The following PLEKHM1 variants were observed in gnomAD, a reference collection of about 807,000 sequenced individuals.
PLEKHM1 encodes the protein pleckstrin homology domain-containing family M member 1.
PLEKHM1 carries 28 observed loss-of-function variants against 94.3 expected under a neutral mutation model. The ratio of observed to expected loss-of-function variants is 0.30; its 90% CI spans 0.22 to 0.41. The LOEUF is 0.41. Ranked by LOEUF, PLEKHM1 falls within the 10% of genes least tolerant of loss-of-function variation. PLEKHM1 has a pLI of 1.00. For synonymous variants in PLEKHM1, 424 were observed against 581.2 expected (o/e 0.73, Z 3.89); for missense variants, 907 against 1,358.6 (o/e 0.67, Z 5.22).
chr17:45,475,029 A>C lies in PLEKHM1; in HGVS notation c.923+71T>G. 5 of 1,521,628 alleles carry C rather than the reference A, an allele frequency of 3.3e-6. No individual in the cohort carries two copies. In the South Asian group the frequency reaches 5.7e-5, roughly 17 times the overall value. 94.3% of individuals were successfully genotyped at this position (1,521,628 alleles called of 1,614,324 possible). A position where few individuals can be genotyped will look rare whatever the true frequency, so the allele number is the denominator to read the frequency against. ...TAACAGACAATCACATGCTATGGGA[A>C]GAAAGGGAGGAGGAGAGGAAAGAAA... On this transcript the variant is annotated intron_variant, in intron 4 of 11. Coordinates refer to ENST00000430334, the MANE Select transcript of PLEKHM1 (RefSeq NM_014798.3).
intron 9 of PLEKHM1, chr17:45,440,491 G>A: frequency 3.4e-6 from 2 of 592,512 alleles, no homozygotes; most frequent in South Asian, 4.0e-5. Context: ...TCTGGATTAA[G>A]TAACTTATTT....
chr17:45,438,036 C>T (rs558962245), intron 11 of PLEKHM1, 67 bp from the exon 12 acceptor site: 12 of 1,252,504 alleles, frequency 9.6e-6, no homozygotes, highest in Non-Finnish European at 1.2e-5. Flanking sequence ...CCACGCTGGC[C>T]AGCCCTTTTG....
At chr17:45,473,336 C>T (rs2051578240) in intron 4 of PLEKHM1, among the ~76,000 whole-genome samples, 1 of 152,042 alleles carries the variant, frequency 6.6e-6, no homozygotes, top group South Asian at 2.1e-4. Flanking sequence ...CGCCTGTAAT[C>T]CCCAGCAATT....
chr17:45,467,991 C>T (rs2051371718), intron 5 of PLEKHM1, among the ~76,000 whole-genome samples: 1 of 152,014 alleles, frequency 6.6e-6, no homozygotes, highest in African/African-American at 2.4e-5. Context: ...GGGCTTATAT[C>T]TACAGCTCAC....
chr17:45,464,392 T>C (rs1050954824), intron 5 of PLEKHM1, among the ~76,000 whole-genome samples: 7 of 152,188 alleles, frequency 4.6e-5, no homozygotes, highest in Non-Finnish European at 8.8e-5. Context: ...CTCTACACTA[T>C]AAAACTTGAC....
At position 45,477,658 on chromosome 17, in the gene PLEKHM1, C is replaced by G. The variant is rs373556505; in HGVS notation, c.296+242G>C. ...CTCACCTGCTTTTTGTGACCAGTCT[C>G]AAAGCAGCCACAGGCTCTTGCCTGA... On this transcript the variant is annotated intron_variant, in intron 3 of 11. Transcript: ENST00000430334. 70 of 562,108 alleles carry G rather than the reference C, an allele frequency of 1.2e-4. 1 individual carries two copies. Among genetic ancestry groups the G allele is most frequent in the South Asian group, 1.1e-3 (55 of 50,272 alleles). 34.8% of individuals were successfully genotyped at this position (562,108 alleles called of 1,614,324 possible).
intron 8 of PLEKHM1, among the ~76,000 whole-genome samples, chr17:45,449,477 C>T (rs1454423672): frequency 6.6e-6 from 1 of 151,696 alleles, no homozygotes; most frequent in African/African-American, 2.4e-5. Context: ...CATCCACCTA[C>T]CCACCAAGCC....
intron 5 of PLEKHM1, among the ~76,000 whole-genome samples, chr17:45,467,303 A>G (rs564984527): frequency 6.6e-6 from 1 of 152,198 alleles, no homozygotes; most frequent in Non-Finnish European, 1.5e-5. Flanking sequence ...CTATTCTTTT[A>G]TCATACTAAG....
At chr17:45,487,524 A>G (rs1173288141) in intron 1 of PLEKHM1, among the ~76,000 whole-genome samples, 3 of 152,236 alleles carry the variant, frequency 2.0e-5, no homozygotes, top group African/African-American at 7.2e-5. Context: ...AATCAGGTTT[A>G]TAGCCCCAAC....
chr17:45,439,856 G>A (rs1034165982), intron 10 of PLEKHM1, among the ~76,000 whole-genome samples: 4 of 152,224 alleles, frequency 2.6e-5, no homozygotes, highest in Admixed American at 2.6e-4. Flanking sequence ...GTCACTGGGG[G>A]CTAATGGGAT....
At chr17:45,479,235 G>T (rs2051857755) in intron 2 of PLEKHM1, among the ~76,000 whole-genome samples, 1 of 151,958 alleles carries the variant, frequency 6.6e-6, no homozygotes, top group South Asian at 2.1e-4. Flanking sequence ...TTAGCCAGGT[G>T]TGGGCCGGGC....
At chr17:45,476,024 T>C (rs1224105201) in intron 3 of PLEKHM1, 5 of 458,438 alleles carry the variant, frequency 1.1e-5, no homozygotes, top group Admixed American at 1.0e-4. Context: ...GCACGTGTAG[T>C]CCCAGCTACC....
At position 45,461,380 on chromosome 17, in the gene PLEKHM1, T is replaced by C. The variant is rs79474301; in HGVS notation, c.1309-2941A>G. ...TGGTGTGCCCTCTGGAGCACATAAG[T>C]TGTTAGTTTTGATAAAGTCTAGTTT... On this transcript the variant is annotated intron_variant, in intron 5 of 11. Coordinates refer to ENST00000430334, the MANE Select transcript of PLEKHM1 (RefSeq NM_014798.3). Among the ~76,000 whole-genome samples the C allele has an allele frequency of 4.8e-3, 724 of 152,276 alleles. 5 individuals carry two copies. The highest frequency in any genetic ancestry group is 0.017 in the African/African-American group (688 of 41,542).
Position 45,439,481 on chromosome 17 carries a change from C to A in PLEKHM1, c.3055G>T (p.Val1019Phe), listed in dbSNP as rs2050372577. The A allele has an allele frequency of 6.2e-7, 1 of 1,614,076 alleles. No individual in the cohort carries two copies. The highest frequency in any genetic ancestry group is 8.5e-7 in the Non-Finnish European group (1 of 1,180,038). ...CTGGCTGGGTGTCCCGCATACCTGACTGTGGTGTCAAACTCAAAGGGGAAG... is the reference window on the plus strand; with the variant it reads ...CTGGCTGGGTGTCCCGCATACCTGAATGTGGTGTCAAACTCAAAGGGGAAG... Reference protein sequence around the residue: ...IIFPFEFDTTVRCAECKTVFH... With the variant: ...IIFPFEFDTTFRCAECKTVFH... Residue 1019 changes from valine to phenylalanine, a missense_variant, in exon 11 of 12, where the codon GTC becomes TTC. This residue lies in a region of PLEKHM1 where 254 missense variants were observed against 451.1 expected (regional missense o/e 0.56). Coordinates refer to ENST00000430334, the MANE Select transcript of PLEKHM1 (RefSeq NM_014798.3).
chr17:45,489,093 C>T (rs1295163732), intron 1 of PLEKHM1, among the ~76,000 whole-genome samples: 24 of 152,158 alleles, frequency 1.6e-4, no homozygotes, highest in Non-Finnish European at 1.3e-4. Flanking sequence ...GTCCTTCTGC[C>T]TCAGCTACTC....
intron 8 of PLEKHM1, chr17:45,446,024 C>CT: frequency 2.5e-6 from 1 of 398,554 alleles, no homozygotes; most frequent in Non-Finnish European, 4.6e-6. Context: ...CTATTTCCCC[C>CT]CACTGAAGGA....
rs531932554 is a variant in PLEKHM1, at chr17:45,440,152, GAC to G, written c.2901+9_2901+10del. ...CTAGAGGTCTGGGCGGGGGAAGCAT[GAC>G]ACTCTTACCTGTTGGAGGTCAGCAA... On this transcript the variant is annotated intron_variant, in intron 10 of 11. Coordinates refer to ENST00000430334, the MANE Select transcript of PLEKHM1 (RefSeq NM_014798.3). 2.5e-5 allele frequency: 40 copies of G among 1,611,958 alleles called. No individual in the cohort carries two copies. In the East Asian group the frequency reaches 8.5e-4, roughly 34 times the overall value.
At position 45,436,431 on chromosome 17, in the gene PLEKHM1, G is replaced by T; in HGVS notation, c.*1427C>A. On this transcript the variant is annotated 3_prime_UTR_variant, in exon 12 of 12. Coordinates refer to ENST00000430334, the MANE Select transcript of PLEKHM1 (RefSeq NM_014798.3). Reference sequence around the variant, plus strand: ...AGGCATCCAGCTCCAAGGCTGGGTGGGTGACTCAGCAGCTAATCGCCCCCA... The same window carrying T: ...AGGCATCCAGCTCCAAGGCTGGGTGTGTGACTCAGCAGCTAATCGCCCCCA... 1 of 452,982 alleles carries T rather than the reference G, an allele frequency of 2.2e-6. No individual in the cohort carries two copies. Among genetic ancestry groups the T allele is most frequent in the Non-Finnish European group, 4.4e-6 (1 of 225,838 alleles). The allele number at this position is 452,982 out of a possible 1,614,324, so 28.1% of individuals were successfully genotyped here. A position where few individuals can be genotyped will look rare whatever the true frequency, so the allele number is the denominator to read the frequency against.
chr17:45,470,901 C>T (rs939393249), intron 4 of PLEKHM1, among the ~76,000 whole-genome samples: 5 of 151,958 alleles, frequency 3.3e-5, no homozygotes, highest in Admixed American at 6.6e-5. Flanking sequence ...CTCCTGACCT[C>T]GTGATCCGCC....
Sources: gnomAD v4.1 joint callset for allele counts (sites outside exome capture counted in the v4.1 genomes callset) on GRCh38, gnomAD v4.1.1 for gene constraint, gnomAD v4.1.1 regional missense constraint, MANE v1.5 for transcripts, NCBI Gene and HGNC (gene_info 2026-07-23, HGNC 2026-07-21) for gene names.